Variants in VWA5B1 observed in about 807,000 individuals in gnomAD.
VWA5B1 encodes von Willebrand factor A domain-containing protein 5B1.
A neutral mutation model predicts 118.2 loss-of-function variants in VWA5B1; 115 were observed. The observed-to-expected ratio is 0.97, with a 90% CI of 0.84 to 1.14. The LOEUF (loss-of-function observed/expected upper bound fraction) is 1.14. Among genes scored for constraint, VWA5B1 ranks in the 50% most tolerant of loss-of-function variants. VWA5B1 has a pLI of 0.00. For synonymous variants in VWA5B1, 682 were observed against 658.4 expected (o/e 1.04, Z -0.55); for missense variants, 1,596 against 1,603.8 (o/e 1.00, Z 0.08).
At chr1:20,297,612 G>A (rs944593678) in intron 1 of VWA5B1, among the ~76,000 whole-genome samples, 1 of 152,190 alleles carries the variant, frequency 6.6e-6, no homozygotes, top group Non-Finnish European at 1.5e-5. Context: ...AGGAAATAGG[G>A]GAGAAAGGAC....
intron 13 of VWA5B1, 77 bp downstream of exon 13, chr1:20,336,563 C>T (rs1225337088): frequency 3.1e-6 from 4 of 1,276,874 alleles, no homozygotes; most frequent in Non-Finnish European, 3.0e-6. Flanking sequence ...AAAACCACCT[C>T]ATTGAATAGT....
At chr1:20,294,396 AG>A (rs1485596018) in intron 1 of VWA5B1, 1 of 152,290 alleles carries the variant, frequency 6.6e-6, no homozygotes, top group Admixed American at 6.5e-5. Flanking sequence ...TTGGGGAAAA[AG>A]GGACAAAGAG....
chr1:20,343,477 G>A (rs1028102845), intron 16 of VWA5B1, 84 bp downstream of exon 16: 22 of 1,171,518 alleles, frequency 1.9e-5, no homozygotes, highest in Non-Finnish European at 2.3e-5. Flanking sequence ...TTCCCCACCC[G>A]CCCCCGGTGA....
chr1:20,330,718 C>A, intron 10 of VWA5B1, 151 bp from the exon 11 acceptor site: 1 of 796,090 alleles, frequency 1.3e-6, no homozygotes, highest in Non-Finnish European at 2.1e-6. Flanking sequence ...TGGGTACCCC[C>A]GATGGCCCCT....
Position 20,323,349 on chromosome 1 carries a change from CT to C in VWA5B1, c.967-5del. On this transcript the variant is annotated splice_region_variant and splice_polypyrimidine_tract_variant and intron_variant, in intron 7 of 21. Coordinates refer to ENST00000289815, the MANE Select transcript of VWA5B1 (RefSeq NM_001039500.3). ...TTGCCCAATCAGAGTGTTCTTTCCT[CT>C]TCCAGACAGAAATCATTCGAAAACG... The C allele has an allele frequency of 6.8e-7, 1 of 1,464,152 alleles. No homozygotes were observed. 90.7% of individuals were successfully genotyped at this position (1,464,152 alleles called of 1,614,324 possible). A position where few individuals can be genotyped will look rare whatever the true frequency, so the allele number is the denominator to read the frequency against.
chr1:20,296,708 A>G lies in VWA5B1; in HGVS notation c.-27+5620A>G, dbSNP rs796358290. On this transcript the variant is annotated intron_variant, in intron 1 of 21. Coordinates refer to ENST00000289815, the MANE Select transcript of VWA5B1 (RefSeq NM_001039500.3). ...TAATCTTATTTTGGTCCAACATAAG[A>G]TTCTATTTTCATATTTTTAGTCTCA... Among the ~76,000 whole-genome samples the G allele has an allele frequency of 7.9e-5, 12 of 152,318 alleles. 1 individual carries two copies. The highest frequency in any genetic ancestry group is 2.9e-4 in the African/African-American group (12 of 41,566).
At chr1:20,308,132 T>C (rs1237104552) in intron 1 of VWA5B1, among the ~76,000 whole-genome samples, 1 of 152,210 alleles carries the variant, frequency 6.6e-6, no homozygotes, top group Non-Finnish European at 1.5e-5. Flanking sequence ...ATGGGGTTTT[T>C]GGTTTTCTGT....
At chr1:20,342,745 T>G in intron 15 of VWA5B1, 136 bp downstream of exon 15, 1 of 1,162,884 alleles carries the variant, frequency 8.6e-7, no homozygotes, top group Non-Finnish European at 1.2e-6. Flanking sequence ...CACCCCTCTC[T>G]GAGGACCTCA....
intron 8 of VWA5B1, among the ~76,000 whole-genome samples, chr1:20,325,538 A>C (rs537286104): frequency 6.6e-6 from 1 of 152,170 alleles, no homozygotes; most frequent in Non-Finnish European, 1.5e-5. Flanking sequence ...CCAGTGTTCC[A>C]GGCAGTTACT....
At chr1:20,311,866 G>T (rs1482239623) in intron 2 of VWA5B1, among the ~76,000 whole-genome samples, 2 of 152,190 alleles carry the variant, frequency 1.3e-5, no homozygotes, top group Non-Finnish European at 2.9e-5. Flanking sequence ...AAATGGCCCT[G>T]TTCCTCTGTT....
In VWA5B1 at chr1:20,330,914, G is replaced by A. The variant is rs772736079; in HGVS notation, c.1503G>A (p.Val501=). Residue 501 remains valine, a synonymous_variant, in exon 11 of 22, where the codon GTG becomes GTA. Transcript: ENST00000289815. ...GACCCAACGTCTGCCACAGACTGGT[G>A]AAAGGACTGGCATCTGTGTCCGAGG... ...GIGPNVCHRL[V]KGLASVSEGS... is the part of the protein sequence containing the mutation. The A allele has an allele frequency of 6.4e-7, 1 of 1,551,638 alleles. No homozygotes were observed. The highest frequency in any genetic ancestry group is 1.4e-5 in the African/African-American group (1 of 73,064).
At position 20,332,843 on chromosome 1, in the gene VWA5B1, T is replaced by G. The variant is rs1486670636; in HGVS notation, c.1650T>G (p.Thr550=). 1.9e-6 allele frequency: 3 copies of G among 1,551,836 alleles called. No individual in the cohort carries two copies. Among genetic ancestry groups the G allele is most frequent in the Non-Finnish European group, 2.6e-6 (3 of 1,147,020 alleles). The change falls in exon 12 of 22, where the codon ACT becomes ACG. Residue 550 remains threonine (T), a synonymous_variant. Transcript: ENST00000289815. ...VTVEWIFPET[T]EVLVSPVSAS... ...TGGAGTGGATCTTCCCTGAGACCAC[T>G]GAGGTCCTGGTCTCACCCGTCAGCG...
chr1:20,310,128 C>T (rs1021291160), intron 1 of VWA5B1, among the ~76,000 whole-genome samples: 14 of 152,034 alleles, frequency 9.2e-5, no homozygotes, highest in East Asian at 1.9e-4. Flanking sequence ...AGAGGAGGGA[C>T]GTGGTGAGCT....
rs1557428018 is a variant in VWA5B1, at chr1:20,332,903, G to T, written c.1710G>T (p.Gly570=). The T allele has an allele frequency of 1.9e-6, 3 of 1,551,870 alleles. No homozygotes were observed. In the East Asian group the frequency reaches 7.3e-5, roughly 38 times the overall value. The change falls in exon 12 of 22, where the codon GGG becomes GGT. Residue 570 remains glycine, a synonymous_variant. Coordinates refer to ENST00000289815, the MANE Select transcript of VWA5B1 (RefSeq NM_001039500.3). ...TCTTCCCTGGAGAACGGCTGGTGGG[G>T]TATGGCATTGTATGTGATGCTTCTT... The part of the protein sequence containing the change: ...SSLFPGERLV[G]YGIVCDASLH...
rs1421988871 is a variant in VWA5B1 at position 20,310,690 on chromosome 1, G to A, written c.89G>A (p.Gly30Asp). Residue 30 changes from glycine (G) to aspartate (D), a missense_variant, in exon 2 of 22, where the codon GGC becomes GAC. Coordinates refer to ENST00000289815, the MANE Select transcript of VWA5B1 (RefSeq NM_001039500.3). Reference protein sequence around the residue: ...VTSCVSGYALGLTASLTYGNL... With the variant: ...VTSCVSGYALDLTASLTYGNL... ...TCCTGTGTCAGCGGTTATGCCCTGG[G>A]CCTAACTGCCTCCCTCACCTATGGC... 1 of 1,550,842 alleles carries A rather than the reference G, an allele frequency of 6.4e-7. No homozygotes were observed. The highest frequency in any genetic ancestry group is 8.7e-7 in the Non-Finnish European group (1 of 1,146,772).
chr1:20,343,126 TG>T lies in VWA5B1; in HGVS notation c.2362del (p.Asp788ThrfsTer40), dbSNP rs1450132858. ...SAFETETSSD[W>X]DPPAESQERA... ...CTTCGAGACAGAGACGTCCTCGGAC[TG>T]GGACCCCCCAGCCGAGTCCCAGGAG... On this transcript the variant is annotated frameshift_variant, in exon 16 of 22. Transcript: ENST00000289815. LOFTEE classifies it high-confidence loss of function. 6.5e-7 allele frequency: 1 copy of T among 1,543,068 alleles called. No homozygotes were observed. The highest frequency in any genetic ancestry group is 1.4e-5 in the African/African-American group (1 of 72,816).
chr1:20,315,203 G>A (rs1029556776), intron 4 of VWA5B1, among the ~76,000 whole-genome samples: 2 of 152,306 alleles, frequency 1.3e-5, no homozygotes, highest in Admixed American at 6.5e-5. Flanking sequence ...GAGCGTTCTC[G>A]TGGGCGAAAG....
Position 20,310,750 on chromosome 1 carries a change from C to T in VWA5B1, c.139+10C>T. The T allele has an allele frequency of 1.3e-6, 2 of 1,531,166 alleles. No homozygotes were observed. The highest frequency in any genetic ancestry group is 2.5e-5 in the South Asian group (2 of 80,602). The allele number at this position is 1,531,166 out of a possible 1,614,324, so 94.8% of individuals were successfully genotyped here. A position where few individuals can be genotyped will look rare whatever the true frequency, so the allele number is the denominator to read the frequency against. On this transcript the variant is annotated intron_variant, in intron 2 of 21. Coordinates refer to ENST00000289815, the MANE Select transcript of VWA5B1 (RefSeq NM_001039500.3). ...GCCCAGCCCTTCCAGGGTAAGGACA[C>T]CTGCTGGGGCCTCCCCGGGACCACC... is the stretch of plus-strand genomic sequence containing the variant.
rs182602193 is a variant in VWA5B1, at chr1:20,307,492, C to T, written c.-26-3084C>T. Among the ~76,000 whole-genome samples, 30 of 152,344 alleles carry T rather than the reference C, an allele frequency of 2.0e-4. No homozygotes were observed. The East Asian group carries it at 5.2e-3, about 26-fold the overall frequency. On this transcript the variant is annotated intron_variant, in intron 1 of 21. Transcript: ENST00000289815. ...GCACACTCCCTTGAGGCCTCACTGT[C>T]CTCATCTGCAGAAGAATAATACCTT... is the stretch of plus-strand genomic sequence containing the variant.
Sources: allele counts gnomAD v4.1 joint callset (sites outside exome capture counted in the v4.1 genomes callset), GRCh38; gene constraint gnomAD v4.1.1; transcripts MANE v1.5; gene names NCBI Gene and HGNC (gene_info 2026-07-23, HGNC 2026-07-21).